The following RNF213 variants were observed in gnomAD, a reference collection of about 807,000 sequenced individuals.
RNF213 encodes E3 ubiquitin-protein ligase RNF213.
RNF213 carries 341 observed loss-of-function variants against 514.4 expected under a neutral mutation model. The observed-to-expected ratio is 0.66, with a 90% CI of 0.61 to 0.73. RNF213 has a LOEUF of 0.73. RNF213 is among the 30% of genes least tolerant of loss of function. RNF213 has a pLI of 0.00. For synonymous variants in RNF213, 2,655 were observed against 2,658.2 expected, an observed-to-expected ratio of 1.00 and a Z score of 0.04; for missense variants, 5,767 against 6,615.6, an observed-to-expected ratio of 0.87 and a Z score of 4.45.
At chr17:80,295,032 C>T in intron 9 of RNF213, 29 bp downstream of exon 9, 1 of 1,613,390 alleles carries the variant, frequency 6.2e-7, no homozygotes, top group Non-Finnish European at 8.5e-7. Context: ...GCTGCTCTAC[C>T]TGCTGGGCAG....
rs766767640 is a variant in RNF213, at chr17:80,306,305, A to T, written c.2264A>T (p.Glu755Val). ...AAGCAGCATTTGCTGAGCATAGACG[A>T]GCCTCTCTTCCGGTCCTGGTTTAGT... ...REKQHLLSID[E>V]PLFRSWFSLL... Residue 755 changes from glutamate to valine, a missense_variant, in exon 12 of 68, where the codon GAG becomes GTG. Around this residue, in one of 13 missense-constraint regions of RNF213, gnomAD observed 592 missense variants for 673.9 expected, o/e 0.88. Transcript: ENST00000582970. The T allele has an allele frequency of 2.5e-6, 4 of 1,614,112 alleles. No individual in the cohort carries two copies. The highest frequency in any genetic ancestry group is 3.4e-6 in the Non-Finnish European group (4 of 1,180,026).
chr17:80,261,547 C>G (rs576063930), intron 1 of RNF213, among the ~76,000 whole-genome samples: 1 of 152,208 alleles, frequency 6.6e-6, no homozygotes, highest in African/African-American at 2.4e-5. Flanking sequence ...TGGCCCTTCC[C>G]TGCCCCCACC....
At position 80,285,744 on chromosome 17, in the gene RNF213, G is replaced by A. The variant is rs535696127; in HGVS notation, c.262-2071G>A. ...GGAGTGCAGTTGCGTAATATCGGCT[G>A]ACCGCAGCCTCTGCCTCCCGGGTTC... On this transcript the variant is annotated intron_variant, in intron 3 of 67. Coordinates refer to ENST00000582970, the MANE Select transcript of RNF213 (RefSeq NM_001256071.3). Among the ~76,000 whole-genome samples the A allele has an allele frequency of 2.0e-3, 304 of 151,062 alleles. 1 individual carries two copies. The highest frequency in any genetic ancestry group is 6.8e-3 in the African/African-American group (281 of 41,084).
In RNF213 at chr17:80,375,761, C is replaced by T; in HGVS notation, c.13076C>T (p.Ala4359Val). ...TACTTGATACCCTTGATTTTGCAGG[C>T]CTGCAAGACCCCCCAAAGCCAGCAG... Reference protein sequence around the residue: ...KPLGIKTALKACKTPQSQQSA... With the variant: ...KPLGIKTALKVCKTPQSQQSA... Residue 4359 changes from alanine to valine, a missense_variant and splice_region_variant, in exon 51 of 68, where the codon GCC becomes GTC. Ala to Val is a moderately conservative substitution (Grantham distance 64, BLOSUM62 0). Coordinates refer to ENST00000582970, the MANE Select transcript of RNF213 (RefSeq NM_001256071.3). The T allele has an allele frequency of 1.9e-6, 3 of 1,610,356 alleles. No homozygotes were observed. The highest frequency in any genetic ancestry group is 2.5e-6 in the Non-Finnish European group (3 of 1,176,580).
At position 80,346,047 on chromosome 17, in the gene RNF213, T is replaced by C; in HGVS notation, c.7712T>C (p.Leu2571Pro). The C allele has an allele frequency of 1.9e-6, 3 of 1,614,180 alleles. No individual in the cohort carries two copies. Among genetic ancestry groups the C allele is most frequent in the Admixed American group, 1.7e-5 (1 of 60,026 alleles). Residue 2571 changes from leucine (L) to proline (P), a missense_variant, in exon 29 of 68, where the codon CTG becomes CCG. This residue lies in a region of RNF213 where 1,377 missense variants were observed against 1,635.2 expected (regional missense o/e 0.84). Coordinates refer to ENST00000582970, the MANE Select transcript of RNF213 (RefSeq NM_001256071.3). This position sits in a 1 kb window ranked among gnomAD's most constrained non-coding sequence, Gnocchi z 8.1. ...CAGCTGGTATACCGGGTCCATGCTCTGCCCCCGAGCCTGATTCCTCTGGTG... is the reference window on the plus strand; with the variant it reads ...CAGCTGGTATACCGGGTCCATGCTCCGCCCCCGAGCCTGATTCCTCTGGTG... ...LRQLVYRVHA[L>P]PPSLIPLVWD...
At chr17:80,316,819 C>T (rs1373996706) in intron 15 of RNF213, among the ~76,000 whole-genome samples, 1 of 152,240 alleles carries the variant, frequency 6.6e-6, no homozygotes, top group East Asian at 1.9e-4. Flanking sequence ...CTGTGTGAAG[C>T]GTGAATCGCA....
chr17:80,298,827 A>G (rs997781928), intron 11 of RNF213: 2 of 329,482 alleles, frequency 6.1e-6, no homozygotes, highest in African/African-American at 4.3e-5. Flanking sequence ...AAAAAAAAAA[A>G]AATTAGCCAG....
intron 64 of RNF213, 118 bp from the exon 65 acceptor site, chr17:80,389,055 T>TA (rs1427211087): frequency 6.2e-6 from 6 of 961,102 alleles, no homozygotes; most frequent in East Asian, 4.8e-5. Flanking sequence ...TGTCAGCTGT[T>TA]AGAGAGTTGG....
At chr17:80,386,621 C>G in intron 62 of RNF213, 69 bp from the exon 63 acceptor site, 1 of 1,550,382 alleles carries the variant, frequency 6.5e-7, no homozygotes, top group East Asian at 2.2e-5. Flanking sequence ...GGAGCCTGCT[C>G]CCTGCAACAT....
chr17:80,364,232 C>T (rs1260104513), intron 41 of RNF213, among the ~76,000 whole-genome samples: 3 of 152,136 alleles, frequency 2.0e-5, no homozygotes, highest in South Asian at 2.1e-4. Context: ...AGTGGGACAC[C>T]GAGTCCCAGC....
In RNF213 at chr17:80,290,581, C is replaced by T. The variant is rs151048031; in HGVS notation, c.1124C>T (p.Pro375Leu). 411 of 1,613,934 alleles carry T rather than the reference C, an allele frequency of 2.5e-4. 1 individual carries two copies. The African/African-American group carries it at 4.2e-3, about 16-fold the overall frequency. Residue 375 changes from proline to leucine, a missense_variant, in exon 7 of 68, where the codon CCG (proline) becomes CTG (leucine). By Grantham distance (98) the Pro-to-Leu change is moderately conservative (BLOSUM62 -3). Around this residue, in one of 13 missense-constraint regions of RNF213, gnomAD observed 509 missense variants for 496.7 expected, o/e 1.02. Coordinates refer to ENST00000582970, the MANE Select transcript of RNF213 (RefSeq NM_001256071.3). ...VQEVKASTLS[P>L]GGGVTVFFHA... ...TGGTTTTCCACCAGCACGCTGAGCC[C>T]GGGTGGAGGAGTCACCGTGTTCTTC...
chr17:80,375,221 G>A (rs982935077), intron 50 of RNF213, among the ~76,000 whole-genome samples: 2 of 152,226 alleles, frequency 1.3e-5, no homozygotes, highest in African/African-American at 2.4e-5. Flanking sequence ...TATGCGTTGA[G>A]TTTAATCTGA....
chr17:80,313,733 GACA>G (rs2045673593), intron 15 of RNF213, among the ~76,000 whole-genome samples: 3 of 149,956 alleles, frequency 2.0e-5, no homozygotes, highest in African/African-American at 7.4e-5. Flanking sequence ...TGGTGGAGGT[GACA>G]ATGGTGATGC....
At position 80,374,440 on chromosome 17, in the gene RNF213, C is replaced by A; in HGVS notation, c.12943-18C>A. The A allele has an allele frequency of 6.2e-7, 1 of 1,614,100 alleles. No homozygotes were observed. On this transcript the variant is annotated intron_variant, in intron 49 of 67. Coordinates refer to ENST00000582970, the MANE Select transcript of RNF213 (RefSeq NM_001256071.3). The stretch of plus-strand genomic sequence containing the variant: ...CATTCCTCCCATTGTTCACCCCCAA[C>A]TAACCTCTGTATTCCAGGGGCTGCG...
chr17:80,349,660 A>G, intron 29 of RNF213, 110 bp from the exon 30 acceptor site: 1 of 1,218,014 alleles, frequency 8.2e-7, no homozygotes, highest in Non-Finnish European at 1.2e-6. Context: ...TTGTGTGGCA[A>G]CTGCACCGCG....
At chr17:80,336,426 G>A in intron 23 of RNF213, 48 bp downstream of exon 23, 1 of 1,479,474 alleles carries the variant, frequency 6.8e-7, no homozygotes, top group Non-Finnish European at 9.1e-7. Context: ...ATAGAGCATT[G>A]CTTAGCAACG....
At chr17:80,371,576 TATC>T (rs1194131324) in intron 46 of RNF213, 2 of 210,018 alleles carry the variant, frequency 9.5e-6, no homozygotes, top group Non-Finnish European at 9.5e-6. Context: ...TAATTCCTAA[TATC>T]ATAAATATTG....
chr17:80,278,159 T>C (rs2044136567), intron 3 of RNF213, among the ~76,000 whole-genome samples: 1 of 152,204 alleles, frequency 6.6e-6, no homozygotes, highest in Non-Finnish European at 1.5e-5. Context: ...GTTGGAGGCA[T>C]CGGCAGGCCA....
At chr17:80,361,944 G>GCC in intron 39 of RNF213, 56 bp downstream of exon 39, 1 of 1,565,458 alleles carries the variant, frequency 6.4e-7, no homozygotes, top group South Asian at 1.1e-5. Flanking sequence ...GATGGGGACT[G>GCC]GATGCAGACA....
Sources: gnomAD v4.1 joint callset for allele counts (sites outside exome capture counted in the v4.1 genomes callset) on GRCh38, gnomAD v4.1.1 for gene constraint, gnomAD v4.1.1 regional missense constraint, Gnocchi (gnomAD v3.1) non-coding constraint, MANE v1.5 for transcripts, NCBI Gene and HGNC (gene_info 2026-07-23, HGNC 2026-07-21) for gene names.